The following ST8SIA5 variants were observed in gnomAD, a reference collection of about 807,000 sequenced individuals.
ST8SIA5 encodes ST8 alpha-N-acetyl-neuraminide alpha-2,8-sialyltransferase 5, also known as alpha-2,8-sialyltransferase 8E.
In ST8SIA5, 24 loss-of-function variants were observed where a neutral mutation model predicts 40.2. That is an observed-to-expected ratio of 0.60 (90% CI 0.43 to 0.84). The LOEUF is 0.84. Among genes scored for constraint, ST8SIA5 ranks in the 40% least tolerant of loss-of-function variants. ST8SIA5 has a pLI of 0.00. For missense variants in ST8SIA5, 465 were observed against 498.5 expected (o/e 0.93, Z 0.64); for synonymous variants, 198 against 201.8 (o/e 0.98, Z 0.16).
chr18:46,699,858 C>T (rs960031311), intron 2 of ST8SIA5, among the ~76,000 whole-genome samples: 1 of 152,230 alleles, frequency 6.6e-6, no homozygotes, highest in Non-Finnish European at 1.5e-5. Context: ...GACTTGTGAA[C>T]ACTGCAATGG....
At chr18:46,710,427 C>CTTTTTCTT (rs1555695737) in intron 1 of ST8SIA5, among the ~76,000 whole-genome samples, 94 of 114,056 alleles carry the variant, frequency 8.2e-4, no homozygotes, top group Non-Finnish European at 1.4e-3. Context: ...TTTTCTTTCT[C>CTTTTTCTT]TCTCTTTCTT....
Position 46,680,201 on chromosome 18 carries a change from G to A in ST8SIA5, c.972C>T (p.Phe324=). 6.2e-7 allele frequency: 1 copy of A among 1,614,238 alleles called. No individual in the cohort carries two copies. Among genetic ancestry groups the A allele is most frequent in the Non-Finnish European group, 8.5e-7 (1 of 1,180,032 alleles). ...TGTAGAGGCCCGAGGGGTTCATGGG[G>A]AAGGCCCAGAAGCCAAAGAGGTGCA... ...EEVHLFGFWA[F]PMNPSGLYIT... is the part of the protein sequence containing the mutation. Residue 324 remains phenylalanine (F), a synonymous_variant, in exon 7 of 7, where the codon TTC becomes TTT. Transcript: ENST00000315087.
chr18:46,692,099 T>A, intron 3 of ST8SIA5, 70 bp downstream of exon 3: 1 of 1,523,120 alleles, frequency 6.6e-7, no homozygotes, highest in Admixed American at 1.7e-5. Flanking sequence ...TGCAGGACAA[T>A]GGAGACCAGA....
At chr18:46,706,159 T>C (rs558703433) in intron 1 of ST8SIA5, among the ~76,000 whole-genome samples, 1 of 151,930 alleles carries the variant, frequency 6.6e-6, no homozygotes, top group Non-Finnish European at 1.5e-5. Context: ...CATATTTAAA[T>C]AATTTTACAT....
In ST8SIA5 at chr18:46,756,492, G is replaced by C; in HGVS notation, c.17C>G (p.Pro6Arg). The C allele has an allele frequency of 4.3e-6, 7 of 1,612,856 alleles. No homozygotes were observed. Among genetic ancestry groups the C allele is most frequent in the Non-Finnish European group, 5.9e-6 (7 of 1,179,154 alleles). The change falls in exon 1 of 7, where the codon CCC (proline) becomes CGC (arginine). Residue 6 changes from proline to arginine, a missense_variant. By Grantham distance (103) the Pro-to-Arg change is moderately radical. Transcript: ENST00000315087. Reference sequence around the variant, plus strand: ...CCCCAACAAATCCCGGTTGGCCGAGGGGTCCGCGTAGCGCATCCTGGCTAC... The same window carrying C: ...CCCCAACAAATCCCGGTTGGCCGAGCGGTCCGCGTAGCGCATCCTGGCTAC... Reference protein sequence around the residue: MRYADPSANRDLLGSR... With the variant: MRYADRSANRDLLGSR...
At chr18:46,687,069 A>T (rs1276372356) in intron 4 of ST8SIA5, among the ~76,000 whole-genome samples, 1 of 152,204 alleles carries the variant, frequency 6.6e-6, no homozygotes, top group Non-Finnish European at 1.5e-5. Flanking sequence ...ACATTGCTTT[A>T]ATTCAGGGAC....
intron 2 of ST8SIA5, among the ~76,000 whole-genome samples, chr18:46,696,975 A>C (rs1198919277): frequency 6.6e-6 from 1 of 152,100 alleles, no homozygotes; most frequent in African/African-American, 2.4e-5. Flanking sequence ...GGGAGGGAGC[A>C]TGGCCCTAAA....
At chr18:46,748,247 T>A (rs78016412) in intron 1 of ST8SIA5, among the ~76,000 whole-genome samples, 20,268 of 133,006 alleles carry the variant, frequency 0.15, 2,188 homozygotes, top group East Asian at 0.35. Context: ...TTAATTAATT[T>A]AAAAAAATAG....
chr18:46,731,778 G>C (rs775594000), intron 1 of ST8SIA5: 1 of 152,188 alleles, frequency 6.6e-6, no homozygotes, highest in Non-Finnish European at 1.5e-5. Context: ...GCACACTTTC[G>C]CTCAAGAAGC....
chr18:46,694,726 G>A (rs2039539427), intron 2 of ST8SIA5, among the ~76,000 whole-genome samples: 1 of 152,046 alleles, frequency 6.6e-6, no homozygotes, highest in South Asian at 2.1e-4. Context: ...TAAAGGAAGT[G>A]CCTGTACCCC....
chr18:46,698,879 A>G (rs1207543079), intron 2 of ST8SIA5, among the ~76,000 whole-genome samples: 1 of 152,254 alleles, frequency 6.6e-6, no homozygotes, highest in Non-Finnish European at 1.5e-5. Flanking sequence ...TACAGCTATA[A>G]TAGAGGAAAC....
At chr18:46,698,916 C>T (rs2039583700) in intron 2 of ST8SIA5, among the ~76,000 whole-genome samples, 1 of 152,156 alleles carries the variant, frequency 6.6e-6, no homozygotes, top group Non-Finnish European at 1.5e-5. Flanking sequence ...CTAGAAGCTC[C>T]AGAAAAAGAA....
chr18:46,695,170 A>AG (rs35534698), intron 2 of ST8SIA5, among the ~76,000 whole-genome samples: 2,401 of 151,576 alleles, frequency 0.016, 46 homozygotes, highest in African/African-American at 0.046. Flanking sequence ...AAAGAAAAAA[A>AG]AAAAAAACCC....
chr18:46,733,628 T>C (rs1461679279), intron 1 of ST8SIA5, among the ~76,000 whole-genome samples: 1 of 142,058 alleles, frequency 7.0e-6, no homozygotes, highest in African/African-American at 2.6e-5. Context: ...ATAAGGGGCT[T>C]GGGGTGGGGG....
At chr18:46,729,645 G>A (rs2144543239) in intron 1 of ST8SIA5, among the ~76,000 whole-genome samples, 1 of 152,340 alleles carries the variant, frequency 6.6e-6, no homozygotes, top group East Asian at 1.9e-4. Flanking sequence ...GGGGCACCAG[G>A]CAGGGAGGGG....
chr18:46,729,472 CAGAG>C (rs1249898955), intron 1 of ST8SIA5, among the ~76,000 whole-genome samples: 1 of 152,082 alleles, frequency 6.6e-6, no homozygotes, highest in Non-Finnish European at 1.5e-5. Context: ...GAGGAAGAAA[CAGAG>C]AGAGGGGAGG....
intron 1 of ST8SIA5, among the ~76,000 whole-genome samples, chr18:46,706,729 T>A (rs542220863): frequency 1.3e-5 from 2 of 152,190 alleles, no homozygotes; most frequent in Non-Finnish European, 2.9e-5. Context: ...TTCAGCCAGT[T>A]AGAAGCATTT....
Position 46,674,866 on chromosome 18 carries a change from G to A in ST8SIA5, c.*5176C>T, listed in dbSNP as rs1342762325. ...TAGGAGTGTGAGGGCCATTCCAGGT[G>A]TTTGAACAGAGTGTGCAAAGGTGCC... is the stretch of plus-strand genomic sequence containing the variant. On this transcript the variant is annotated 3_prime_UTR_variant, in exon 7 of 7. Coordinates refer to ENST00000315087, the MANE Select transcript of ST8SIA5 (RefSeq NM_013305.6). The A allele has an allele frequency of 2.0e-5, 3 of 152,300 alleles. No individual in the cohort carries two copies. Among genetic ancestry groups the A allele is most frequent in the African/African-American group, 7.2e-5 (3 of 41,442 alleles). The allele number at this position is 152,300 out of a possible 1,614,324, so 9.4% of individuals were successfully genotyped here.
In ST8SIA5 at chr18:46,686,293, G is replaced by C. The variant is rs755147343; in HGVS notation, c.457-7C>G. ...ACCGGTAGTAGGGCATGTCCTGGGG[G>C]AGGCACAGGCACAGCTGTCAGAGCC... On this transcript the variant is annotated splice_polypyrimidine_tract_variant and splice_region_variant and intron_variant, in intron 4 of 6. Transcript: ENST00000315087. 5 of 1,613,470 alleles carry C rather than the reference G, an allele frequency of 3.1e-6. No homozygotes were observed. The highest frequency in any genetic ancestry group is 4.2e-6 in the Non-Finnish European group (5 of 1,179,470).
Sources: allele counts gnomAD v4.1 joint callset (sites outside exome capture counted in the v4.1 genomes callset), GRCh38; gene constraint gnomAD v4.1.1; transcripts MANE v1.5; gene names NCBI Gene and HGNC (gene_info 2026-07-23, HGNC 2026-07-21).